The following STX8 variants were observed in gnomAD, a reference collection of about 807,000 sequenced individuals.
STX8 encodes syntaxin 8, also known as syntaxin-8.
In STX8, 23 loss-of-function variants were observed where a neutral mutation model predicts 37.5. The ratio of observed to expected loss-of-function variants is 0.61; its 90% CI spans 0.44 to 0.87. The LOEUF is 0.87. Among genes scored for constraint, STX8 ranks in the 40% least tolerant of loss-of-function variants. The probability of loss-of-function intolerance (pLI) is 0.00; values close to 1 mark genes in which losing one functional copy is unlikely to be tolerated. For missense variants in STX8, 313 were observed against 284.7 expected (o/e 1.10, Z -0.71); for synonymous variants, 115 against 99.1 (o/e 1.16, Z -0.95).
At chr17:9,364,594 G>A (rs558391801) in intron 7 of STX8, among the ~76,000 whole-genome samples, 1 of 152,020 alleles carries the variant, frequency 6.6e-6, no homozygotes, top group Non-Finnish European at 1.5e-5. Context: ...GCAGCGGCGC[G>A]ATCTTGGCTC....
At chr17:9,442,814 T>C (rs1043781516) in intron 6 of STX8, among the ~76,000 whole-genome samples, 2 of 152,134 alleles carry the variant, frequency 1.3e-5, no homozygotes, top group Non-Finnish European at 2.9e-5. Context: ...CCAGGTGGTA[T>C]AGATGAGTAG....
chr17:9,263,357 G>A (rs1597571344), intron 7 of STX8, among the ~76,000 whole-genome samples: 1 of 151,886 alleles, frequency 6.6e-6, no homozygotes, highest in Non-Finnish European at 1.5e-5. Flanking sequence ...GCACATGCCT[G>A]TAATCCCAGC....
At chr17:9,516,424 A>G (rs1905163944) in intron 4 of STX8, among the ~76,000 whole-genome samples, 1 of 149,786 alleles carries the variant, frequency 6.7e-6, no homozygotes. Context: ...TCAAACATAC[A>G]TCACCACAGA....
intron 7 of STX8, among the ~76,000 whole-genome samples, chr17:9,314,296 T>C (rs1387390554): frequency 6.6e-6 from 1 of 152,238 alleles, no homozygotes; most frequent in Non-Finnish European, 1.5e-5. Context: ...ACCAAAATGC[T>C]AAACTTCTAA....
chr17:9,436,731 T>C (rs1904446126), intron 6 of STX8, among the ~76,000 whole-genome samples: 2 of 152,348 alleles, frequency 1.3e-5, no homozygotes, highest in South Asian at 4.1e-4. Context: ...GGCCCAGCTC[T>C]GGGATGTAGG....
At chr17:9,453,487 C>CTTT (rs1168841037) in intron 6 of STX8, among the ~76,000 whole-genome samples, 185 of 112,190 alleles carry the variant, frequency 1.6e-3, no homozygotes, top group Non-Finnish European at 2.5e-3. Context: ...CACTACTCAT[C>CTTT]TTTTTTTTTT....
Position 9,545,208 on chromosome 17 carries a change from G to T in STX8, c.287C>A (p.Ser96Tyr). 6.2e-7 allele frequency: 1 copy of T among 1,613,996 alleles called. No individual in the cohort carries two copies. The highest frequency in any genetic ancestry group is 8.5e-7 in the Non-Finnish European group (1 of 1,179,966). The change falls in exon 4 of 8, where the codon TCC (serine) becomes TAC (tyrosine). Residue 96 changes from serine to tyrosine, a missense_variant. By Grantham distance (144) the Ser-to-Tyr change is moderately radical. Coordinates refer to ENST00000306357, the MANE Select transcript of STX8 (RefSeq NM_004853.3). ...TGGTTCGGCACCCTCATTCTTAAAG[G>T]ATGCCAGAAGTAGTCTCTCTCGAGT... ...LVTRERLLLA[S>Y]FKNEGAEPDL...
At chr17:9,411,089 T>C (rs1459739164) in intron 6 of STX8, among the ~76,000 whole-genome samples, 3 of 152,220 alleles carry the variant, frequency 2.0e-5, no homozygotes, top group African/African-American at 7.2e-5. Context: ...AAATATATAC[T>C]TTATCATGTG....
chr17:9,495,925 C>T (rs545917976), intron 5 of STX8, among the ~76,000 whole-genome samples: 6 of 152,246 alleles, frequency 3.9e-5, no homozygotes, highest in African/African-American at 1.2e-4. Flanking sequence ...TGGTGGTGTG[C>T]GCCTGTAGTC....
chr17:9,522,401 A>G (rs897678968), intron 4 of STX8, among the ~76,000 whole-genome samples: 1 of 152,090 alleles, frequency 6.6e-6, no homozygotes. Context: ...AGGAAGCTTA[A>G]AAAAGTTTCC....
At chr17:9,326,625 T>C (rs926773151) in intron 7 of STX8, among the ~76,000 whole-genome samples, 3 of 152,130 alleles carry the variant, frequency 2.0e-5, no homozygotes, top group African/African-American at 7.2e-5. Flanking sequence ...AGGCAGAAAA[T>C]GGGTCCTGTG....
intron 4 of STX8, 117 bp downstream of exon 4, chr17:9,545,055 T>A: frequency 1.5e-6 from 1 of 664,834 alleles, no homozygotes; most frequent in Non-Finnish European, 2.6e-6. Flanking sequence ...TCAAACACCA[T>A]AAATGAATAG....
intron 6 of STX8, among the ~76,000 whole-genome samples, chr17:9,468,490 T>A (rs1339886709): frequency 6.6e-6 from 1 of 152,190 alleles, no homozygotes; most frequent in Non-Finnish European, 1.5e-5. Context: ...GAGACTTGTA[T>A]TCTAGTTAAC....
chr17:9,559,760 A>T (rs60025446), intron 2 of STX8, among the ~76,000 whole-genome samples: 7,362 of 25,022 alleles, frequency 0.29, 1,090 homozygotes, highest in South Asian at 0.4. Flanking sequence ...ATATATATAT[A>T]TTTTTTTTTT....
rs77126299 is a variant in STX8, at chr17:9,473,508, A to G, written c.541+18321T>C. Reference sequence around the variant, plus strand: ...GGTGTAGCATTTACATATAACCTACACACATCCTCCCGTATAACTTTAAGT... The same window carrying G: ...GGTGTAGCATTTACATATAACCTACGCACATCCTCCCGTATAACTTTAAGT... On this transcript the variant is annotated intron_variant, in intron 6 of 7. Coordinates refer to ENST00000306357, the MANE Select transcript of STX8 (RefSeq NM_004853.3). 8.6e-3 allele frequency among the ~76,000 whole-genome samples: 1,308 copies of G among 152,270 alleles called. 18 individuals carry two copies. Among genetic ancestry groups the G allele is most frequent in the African/African-American group, 0.029 (1,223 of 41,556 alleles).
At chr17:9,517,326 A>G (rs542917268) in intron 4 of STX8, among the ~76,000 whole-genome samples, 9 of 152,340 alleles carry the variant, frequency 5.9e-5, no homozygotes, top group African/African-American at 2.2e-4. Context: ...CATAATGGAC[A>G]CTGAAAGAAA....
chr17:9,304,453 G>A (rs1159537920), intron 7 of STX8, among the ~76,000 whole-genome samples: 16 of 141,058 alleles, frequency 1.1e-4, no homozygotes, highest in Admixed American at 3.2e-4. Context: ...TTGTTGCAGC[G>A]AACCAAGATC....
chr17:9,458,573 A>G (rs1294241201), intron 6 of STX8, among the ~76,000 whole-genome samples: 1 of 152,240 alleles, frequency 6.6e-6, no homozygotes, highest in African/African-American at 2.4e-5. Context: ...TGAGAAGACC[A>G]ATGCATGACT....
intron 7 of STX8, among the ~76,000 whole-genome samples, chr17:9,362,444 T>C (rs28378129): frequency 0.062 from 9,500 of 152,194 alleles, 1,003 homozygotes; most frequent in African/African-American, 0.21. Context: ...GAAGTAAAGA[T>C]TCTCTGTAAT....
Sources: allele counts gnomAD v4.1 joint callset (sites outside exome capture counted in the v4.1 genomes callset), GRCh38; gene constraint gnomAD v4.1.1; transcripts MANE v1.5; gene names NCBI Gene and HGNC (gene_info 2026-07-23, HGNC 2026-07-21).